BEAN1: variants seen among roughly 807,000 people sequenced by gnomAD.
The protein encoded by BEAN1 is protein BEAN1.
A neutral mutation model predicts 17.7 loss-of-function variants in BEAN1; 17 were observed. The observed-to-expected ratio is 0.96, with a 90% CI of 0.66 to 1.44. The LOEUF (loss-of-function observed/expected upper bound fraction) is 1.44. Ranked by LOEUF, BEAN1 falls within the 40% of genes most tolerant of loss-of-function variation. The pLI is 0.00. For missense variants in BEAN1, 359 were observed against 374.1 expected, an observed-to-expected ratio of 0.96 and a Z score of 0.33; for synonymous variants, 142 against 151.8, an observed-to-expected ratio of 0.94 and a Z score of 0.47.
intron 1 of BEAN1, among the ~76,000 whole-genome samples, chr16:66,436,807 A>C (rs577611528): frequency 1.9e-4 from 29 of 152,120 alleles, no homozygotes; most frequent in African/African-American, 6.7e-4. Flanking sequence ...GCCCTCCCTC[A>C]CTGCTCTAGA....
chr16:66,490,520 A>T (rs186824243), intron 4 of BEAN1, among the ~76,000 whole-genome samples: 1 of 152,110 alleles, frequency 6.6e-6, no homozygotes, highest in African/African-American at 2.4e-5. Flanking sequence ...ATTTACAAAA[A>T]CATACCTAAG....
intron 3 of BEAN1, among the ~76,000 whole-genome samples, chr16:66,472,209 C>T (rs1188937137): frequency 6.6e-6 from 1 of 152,236 alleles, no homozygotes; most frequent in Admixed American, 6.5e-5. Context: ...TAGGTGTCCC[C>T]CTCCTCTGTA....
Position 66,480,930 on chromosome 16 carries a change from C to A in BEAN1, c.*5C>A. 1 of 1,440,642 alleles carries A rather than the reference C, an allele frequency of 6.9e-7. No individual in the cohort carries two copies. Among genetic ancestry groups the A allele is most frequent in the Non-Finnish European group, 9.2e-7 (1 of 1,092,650 alleles). The allele number at this position is 1,440,642 out of a possible 1,614,324, so 89.2% of individuals were successfully genotyped here. A position where few individuals can be genotyped will look rare whatever the true frequency, so the allele number is the denominator to read the frequency against. On this transcript the variant is annotated 3_prime_UTR_variant, in exon 5 of 5. Transcript: ENST00000536005. ...GGCCCAGAGAGGATTGTGTGAGGGA[C>A]CCAGCCAGCCGGGTCCTGCTGGTCC...
chr16:66,484,928 C>T (rs1335761408), downstream of BEAN1: 3 of 454,078 alleles, frequency 6.6e-6, no homozygotes, highest in Non-Finnish European at 1.3e-5. The surrounding 1 kb of genome is among the most constrained non-coding windows in gnomAD (Gnocchi z 4.2). Flanking sequence ...CTCCTCTGGC[C>T]AGAAAAAAGT....
chr16:66,443,631 G>A (rs961563027), intron 2 of BEAN1, among the ~76,000 whole-genome samples: 1 of 152,178 alleles, frequency 6.6e-6, no homozygotes, highest in African/African-American at 2.4e-5. Flanking sequence ...ACCCTAGTGA[G>A]TACTCGGCAT....
At chr16:66,443,552 C>T (rs760225065) in intron 2 of BEAN1, among the ~76,000 whole-genome samples, 3 of 152,246 alleles carry the variant, frequency 2.0e-5, no homozygotes, top group African/African-American at 4.8e-5. Flanking sequence ...CACTCTGCCA[C>T]AGGACTTCAT....
At chr16:66,441,838 C>T (rs1168727537) in intron 2 of BEAN1, among the ~76,000 whole-genome samples, 1 of 152,146 alleles carries the variant, frequency 6.6e-6, no homozygotes, top group African/African-American at 2.4e-5. Flanking sequence ...AGGCATTAAT[C>T]GGCCAGGCTG....
At chr16:66,430,150 G>C (rs546582388) in intron 1 of BEAN1, among the ~76,000 whole-genome samples, 1 of 152,338 alleles carries the variant, frequency 6.6e-6, no homozygotes, top group East Asian at 1.9e-4. Context: ...GTTCCCTCTT[G>C]AAAATGGGAA....
At chr16:66,452,127 G>C (rs1364108590) in intron 2 of BEAN1, among the ~76,000 whole-genome samples, 2 of 152,212 alleles carry the variant, frequency 1.3e-5, no homozygotes, top group East Asian at 3.8e-4. Context: ...CCATGGTTTA[G>C]TGTGATGTTG....
At chr16:66,477,312 G>GCCA (rs2142456924) in intron 3 of BEAN1, among the ~76,000 whole-genome samples, 1 of 152,312 alleles carries the variant, frequency 6.6e-6, no homozygotes, top group Admixed American at 6.5e-5. Flanking sequence ...AAAGCAGGCT[G>GCCA]CCACCACCTT....
At position 66,493,489 on chromosome 16, in the gene BEAN1, G is replaced by A. The variant is rs190111095; in HGVS notation, c.*48G>A. 5.5e-5 allele frequency: 33 copies of A among 600,486 alleles called. No individual in the cohort carries two copies. The East Asian group carries it at 9.1e-4, about 17-fold the overall frequency. The allele number at this position is 600,486 out of a possible 1,614,324, so 37.2% of individuals were successfully genotyped here. On this transcript the variant is annotated 3_prime_UTR_variant, in exon 5 of 5. Coordinates refer to the BEAN1 transcript ENST00000561796. ...CATGCCTGGACAGTGAGGAGGTCCTGCCTTGCTTCAGTGACCCTGTCTTAC... is the reference window on the plus strand; with the variant it reads ...CATGCCTGGACAGTGAGGAGGTCCTACCTTGCTTCAGTGACCCTGTCTTAC...
Position 66,471,119 on chromosome 16 carries a change from G to C in BEAN1, c.289+1254G>C, listed in dbSNP as rs1310806378. ...AAAATTTTTAAAATAGATTGAATTG[G>C]ATCCGATCAGCCCTGGCCTTTGGGG... On this transcript the variant is annotated intron_variant, in intron 3 of 4. Transcript: ENST00000536005. The surrounding 1 kb of genome is among the most constrained non-coding windows in gnomAD (Gnocchi z 4.7). Among the ~76,000 whole-genome samples the C allele has an allele frequency of 6.6e-6, 1 of 152,192 alleles. No homozygotes were observed. The highest frequency in any genetic ancestry group is 1.9e-4 in the East Asian group (1 of 5,196).
At chr16:66,477,170 T>C (rs1379303623) in intron 3 of BEAN1, among the ~76,000 whole-genome samples, 1 of 152,054 alleles carries the variant, frequency 6.6e-6, no homozygotes, top group Admixed American at 6.6e-5. Context: ...TAGACAAGAC[T>C]CAGCTGTAGC....
At position 66,464,054 on chromosome 16, in the gene BEAN1, G is replaced by A. The variant is rs569888768; in HGVS notation, c.26-5548G>A. On this transcript the variant is annotated intron_variant, in intron 2 of 4. Transcript: ENST00000536005. ...GCTCTGTAGTAAGTTTAGAAATCAG[G>A]AAATGCGTCCCCTCCAACTTTGTTC... is the stretch of plus-strand genomic sequence containing the variant. 2.0e-5 allele frequency among the ~76,000 whole-genome samples: 3 copies of A among 152,280 alleles called. No individual in the cohort carries two copies. The East Asian group carries it at 5.8e-4, about 29-fold the overall frequency.
At chr16:66,452,824 A>G (rs1451453747) in intron 2 of BEAN1, among the ~76,000 whole-genome samples, 1 of 152,138 alleles carries the variant, frequency 6.6e-6, no homozygotes, top group African/African-American at 2.4e-5. Context: ...CCCCAGAGTA[A>G]CGAAGGGACA....
downstream of BEAN1, among the ~76,000 whole-genome samples, chr16:66,487,122 C>T (rs1964100352): frequency 6.6e-6 from 1 of 152,202 alleles, no homozygotes; most frequent in Non-Finnish European, 1.5e-5. Context: ...CAGTCTGTGA[C>T]TTGTGGACTT....
At chr16:66,470,259 G>C (rs771519649) in intron 3 of BEAN1, among the ~76,000 whole-genome samples, 2 of 152,042 alleles carry the variant, frequency 1.3e-5, no homozygotes, top group Non-Finnish European at 2.9e-5. Context: ...GAGAGGAATG[G>C]ATGGGTGAGA....
intron 1 of BEAN1, among the ~76,000 whole-genome samples, chr16:66,429,745 G>T (rs901779864): frequency 6.6e-6 from 1 of 152,118 alleles, no homozygotes; most frequent in Non-Finnish European, 1.5e-5. Context: ...GGGTCACGTC[G>T]CTGTGTCTTC....
chr16:66,438,010 A>T (rs1298884269), intron 2 of BEAN1: 1 of 441,866 alleles, frequency 2.3e-6, no homozygotes, highest in East Asian at 4.1e-5. Context: ...AAAAGACTAC[A>T]TGGCCAAGTA....
Sources: allele counts gnomAD v4.1 joint callset (sites outside exome capture counted in the v4.1 genomes callset), GRCh38; gene constraint gnomAD v4.1.1; non-coding constraint Gnocchi (gnomAD v3.1); transcripts MANE v1.5; gene names NCBI Gene and HGNC (gene_info 2026-07-23, HGNC 2026-07-21).